Variants in NXPH1 observed in about 807,000 individuals in gnomAD.
NXPH1 encodes neurexophilin 1.
A neutral mutation model predicts 23.7 loss-of-function variants in NXPH1; 5 were observed. The ratio of observed to expected loss-of-function variants is 0.21; its 90% CI spans 0.11 to 0.44. The LOEUF is 0.44. NXPH1 is among the 20% of genes least tolerant of loss of function. NXPH1 has a pLI of 0.99. For missense variants in NXPH1, 324 were observed against 321.6 expected (o/e 1.01, Z -0.06); for synonymous variants, 144 against 122.2 (o/e 1.18, Z -1.18).
chr7:8,537,546 G>T (rs1437562944), intron 2 of NXPH1, among the ~76,000 whole-genome samples: 1 of 151,822 alleles, frequency 6.6e-6, no homozygotes, highest in Non-Finnish European at 1.5e-5. Flanking sequence ...CAGCATGGAG[G>T]TAACCACCCC....
At chr7:8,661,429 C>T (rs1357759023) in intron 2 of NXPH1, among the ~76,000 whole-genome samples, 1 of 152,088 alleles carries the variant, frequency 6.6e-6, no homozygotes, top group Admixed American at 6.6e-5. Context: ...GAAAGCTTGT[C>T]CGACCCACCT....
At chr7:8,526,479 G>A (rs913860706) in intron 2 of NXPH1, among the ~76,000 whole-genome samples, 4 of 152,084 alleles carry the variant, frequency 2.6e-5, no homozygotes, top group African/African-American at 7.2e-5. Context: ...TGAAATGTGA[G>A]GATAAGAGAT....
At chr7:8,705,761 C>G (rs1052878000) in intron 2 of NXPH1, among the ~76,000 whole-genome samples, 5 of 152,122 alleles carry the variant, frequency 3.3e-5, no homozygotes, top group African/African-American at 7.2e-5. Flanking sequence ...GTGCTTTTAC[C>G]TAGCAAGATC....
rs184888154 is a variant in NXPH1, at chr7:8,679,108, C to T, written c.55-71900C>T. Among the ~76,000 whole-genome samples the T allele has an allele frequency of 6.5e-3, 992 of 151,578 alleles. 11 individuals are homozygous for T. The highest frequency in any genetic ancestry group is 0.022 in the African/African-American group (929 of 41,344). The stretch of plus-strand genomic sequence containing the variant: ...GACTATAGGCGCCCACCACCACGCC[C>T]GGCTAATTTTTTGTATTTTTAGTAG... On this transcript the variant is annotated intron_variant, in intron 2 of 2. Coordinates refer to ENST00000405863, the MANE Select transcript of NXPH1 (RefSeq NM_152745.3).
chr7:8,588,766 C>T (rs547870429), intron 2 of NXPH1, among the ~76,000 whole-genome samples: 1 of 152,038 alleles, frequency 6.6e-6, no homozygotes, highest in Admixed American at 6.6e-5. Flanking sequence ...AGCCACCCTC[C>T]TCTAATTGGT....
intron 2 of NXPH1, among the ~76,000 whole-genome samples, chr7:8,639,946 A>C (rs1295846543): frequency 6.6e-6 from 1 of 152,226 alleles, no homozygotes; most frequent in East Asian, 1.9e-4. Flanking sequence ...TATTAGCAGC[A>C]TGAAAACGAA....
At chr7:8,469,680 C>A (rs114596513) in intron 2 of NXPH1, among the ~76,000 whole-genome samples, 3 of 152,030 alleles carry the variant, frequency 2.0e-5, no homozygotes, top group African/African-American at 7.2e-5. Flanking sequence ...TTAATTCTAT[C>A]GAATTGTGGA....
chr7:8,728,650 T>A (rs1455959194), intron 2 of NXPH1, among the ~76,000 whole-genome samples: 2 of 151,414 alleles, frequency 1.3e-5, no homozygotes, highest in African/African-American at 4.8e-5. Context: ...TTTATTGATT[T>A]GCGTATATTG....
intron 2 of NXPH1, among the ~76,000 whole-genome samples, chr7:8,479,116 A>G (rs1366282898): frequency 6.6e-6 from 1 of 152,152 alleles, no homozygotes; most frequent in Non-Finnish European, 1.5e-5. Context: ...CTGGTTAAAC[A>G]TATAGTTACT....
intron 2 of NXPH1, among the ~76,000 whole-genome samples, chr7:8,722,184 T>G (rs1319611799): frequency 6.6e-6 from 1 of 152,172 alleles, no homozygotes; most frequent in East Asian, 1.9e-4. Flanking sequence ...TTTAAAAATT[T>G]TAATATTATA....
chr7:8,503,369 G>C (rs1238760472), intron 2 of NXPH1, among the ~76,000 whole-genome samples: 1 of 151,894 alleles, frequency 6.6e-6, no homozygotes, highest in Admixed American at 6.6e-5. Flanking sequence ...TTCCTCCCCT[G>C]TGCGGCCTCT....
At chr7:8,489,577 G>A (rs1343340805) in intron 2 of NXPH1, among the ~76,000 whole-genome samples, 1 of 152,046 alleles carries the variant, frequency 6.6e-6, no homozygotes, top group Non-Finnish European at 1.5e-5. Context: ...ACCCTGGGCT[G>A]TGCAGACTGA....
chr7:8,465,299 T>A (rs1816767194), intron 2 of NXPH1, among the ~76,000 whole-genome samples: 1 of 152,182 alleles, frequency 6.6e-6, no homozygotes, highest in African/African-American at 2.4e-5. Flanking sequence ...CCCCTTTCAG[T>A]GTGATCTATA....
chr7:8,571,254 G>A (rs1375647044), intron 2 of NXPH1, among the ~76,000 whole-genome samples: 1 of 151,820 alleles, frequency 6.6e-6, no homozygotes, highest in Non-Finnish European at 1.5e-5. Context: ...ATGTAAAGGA[G>A]GGTGTGAGGA....
chr7:8,592,523 C>G (rs527676040), intron 2 of NXPH1, among the ~76,000 whole-genome samples: 3 of 152,082 alleles, frequency 2.0e-5, no homozygotes, highest in Admixed American at 2.0e-4. Context: ...AAGCAATCAT[C>G]ATATTTACTG....
chr7:8,515,840 T>A (rs556314616), intron 2 of NXPH1, among the ~76,000 whole-genome samples: 35 of 152,242 alleles, frequency 2.3e-4, no homozygotes, highest in African/African-American at 7.7e-4. Context: ...CAAAGCAAAT[T>A]GAATTAAATA....
Position 8,552,287 on chromosome 7 carries a change from A to G in NXPH1, c.54+116520A>G, listed in dbSNP as rs139001170. 1.7e-3 allele frequency among the ~76,000 whole-genome samples: 255 copies of G among 151,554 alleles called. 2 individuals carry two copies. The highest frequency in any genetic ancestry group is 5.8e-3 in the African/African-American group (239 of 41,476). On this transcript the variant is annotated intron_variant, in intron 2 of 2. Coordinates refer to ENST00000405863, the MANE Select transcript of NXPH1 (RefSeq NM_152745.3). ...AATTATCCCAGCAATAACCGATAGC[A>G]AGCAAAAATTATAGAGGCCTGATGG...
intron 2 of NXPH1, among the ~76,000 whole-genome samples, chr7:8,451,233 T>TTTATTTCCTA (rs1816502025): frequency 6.6e-6 from 1 of 152,006 alleles, no homozygotes; most frequent in Non-Finnish European, 1.5e-5. Context: ...GGAAGTTAAG[T>TTTATTTCCTA]GACTGTTCTG....
In NXPH1 at chr7:8,664,698, T is replaced by C. The variant is rs186163038; in HGVS notation, c.55-86310T>C. Among the ~76,000 whole-genome samples, 370 of 152,192 alleles carry C rather than the reference T, an allele frequency of 2.4e-3. 1 individual carries two copies. The highest frequency in any genetic ancestry group is 8.5e-3 in the African/African-American group (354 of 41,564). Reference sequence around the variant, plus strand: ...ACCTCGTCACCCACACTTCTCATTTTTTGTCTTTTTGATAATAGCCATTTG... The same window carrying C: ...ACCTCGTCACCCACACTTCTCATTTCTTGTCTTTTTGATAATAGCCATTTG... On this transcript the variant is annotated intron_variant, in intron 2 of 2. Transcript: ENST00000405863.
Sources: gnomAD v4.1 joint callset for allele counts (sites outside exome capture counted in the v4.1 genomes callset) on GRCh38, gnomAD v4.1.1 for gene constraint, MANE v1.5 for transcripts, NCBI Gene and HGNC (gene_info 2026-07-23, HGNC 2026-07-21) for gene names.